Variants in PPM1L observed in about 807,000 individuals in gnomAD.
The protein encoded by PPM1L is protein phosphatase, Mg2+/Mn2+ dependent 1L, also known as protein phosphatase 1L.
Under a neutral mutation model 31.4 loss-of-function variants are expected in PPM1L, and 13 were observed. The observed-to-expected ratio is 0.41, with a 90% CI of 0.27 to 0.66. The LOEUF is 0.66. PPM1L is among the 30% of genes least tolerant of loss of function. PPM1L has a pLI of 0.29. For synonymous variants in PPM1L, 184 were observed against 175.4 expected, an observed-to-expected ratio of 1.05 and a Z score of -0.39; for missense variants, 326 against 453.7, an observed-to-expected ratio of 0.72 and a Z score of 2.56.
chr3:160,863,334 T>G (rs900528402), intron 1 of PPM1L, among the ~76,000 whole-genome samples: 2 of 152,242 alleles, frequency 1.3e-5, no homozygotes, highest in African/African-American at 4.8e-5. Context: ...TGTCACTTTT[T>G]CAGCCCCTGG....
chr3:160,787,172 A>G lies in PPM1L; in HGVS notation c.399+30465A>G, dbSNP rs151309154. On this transcript the variant is annotated intron_variant, in intron 1 of 3. Transcript: ENST00000498165. ...AGTACTATGTTAAGCTCTTTGAGAAATCTCCAAACTGCTTTCCACAGTGGC... is the reference window on the plus strand; with the variant it reads ...AGTACTATGTTAAGCTCTTTGAGAAGTCTCCAAACTGCTTTCCACAGTGGC... 9.5e-3 allele frequency among the ~76,000 whole-genome samples: 1,450 copies of G among 152,306 alleles called. 24 individuals are homozygous for G. Among genetic ancestry groups the G allele is most frequent in the African/African-American group, 0.032 (1,337 of 41,560 alleles).
At chr3:160,936,921 C>G (rs142649404) in intron 1 of PPM1L, among the ~76,000 whole-genome samples, 19 of 152,272 alleles carry the variant, frequency 1.2e-4, no homozygotes, top group African/African-American at 4.1e-4. Flanking sequence ...AAAAACCAAT[C>G]TAGTGTGAAT....
At chr3:160,939,466 A>G (rs1715089425) in intron 1 of PPM1L, among the ~76,000 whole-genome samples, 1 of 152,126 alleles carries the variant, frequency 6.6e-6, no homozygotes, top group African/African-American at 2.4e-5. Flanking sequence ...GTCCCCACCC[A>G]AATCTCAACT....
Position 160,815,000 on chromosome 3 carries a change from G to C in PPM1L, c.399+58293G>C, listed in dbSNP as rs557953095. 2.6e-5 allele frequency among the ~76,000 whole-genome samples: 4 copies of C among 152,156 alleles called. 1 individual carries two copies. Among genetic ancestry groups the C allele is most frequent in the African/African-American group, 9.6e-5 (4 of 41,504 alleles). ...GATACAATGGACTTTCGGGATTCAG[G>C]GGGTAGGGTAGAAGGAGGGTGAGGG... On this transcript the variant is annotated intron_variant, in intron 1 of 3. Transcript: ENST00000498165.
chr3:160,781,149 GC>G (rs1157910529), intron 1 of PPM1L, among the ~76,000 whole-genome samples: 5 of 152,112 alleles, frequency 3.3e-5, no homozygotes, highest in Admixed American at 6.5e-5. Flanking sequence ...TACCCCAGAA[GC>G]CCCACTCATG....
intron 1 of PPM1L, among the ~76,000 whole-genome samples, chr3:160,780,065 C>T (rs928936698): frequency 6.6e-6 from 1 of 151,890 alleles, no homozygotes; most frequent in African/African-American, 2.4e-5. Flanking sequence ...CCTCCATTGC[C>T]CAGGCTGTGA....
At chr3:160,840,893 C>T (rs984352787) in intron 1 of PPM1L, among the ~76,000 whole-genome samples, 2 of 152,144 alleles carry the variant, frequency 1.3e-5, no homozygotes, top group Non-Finnish European at 2.9e-5. Flanking sequence ...GGTGCCCACC[C>T]ACTTTGGGTG....
intron 1 of PPM1L, among the ~76,000 whole-genome samples, chr3:160,769,115 T>G (rs1300482938): frequency 6.6e-6 from 1 of 152,224 alleles, no homozygotes; most frequent in East Asian, 1.9e-4. Context: ...GTGATCAGCA[T>G]GATTAGCCTT....
intron 1 of PPM1L, among the ~76,000 whole-genome samples, chr3:160,827,641 AC>A (rs1713397002): frequency 6.6e-6 from 1 of 152,120 alleles, no homozygotes; most frequent in Admixed American, 6.6e-5. Flanking sequence ...ATAATGCCTG[AC>A]AAAGTGATAG....
At chr3:160,818,046 A>G (rs965771174) in intron 1 of PPM1L, among the ~76,000 whole-genome samples, 1 of 152,052 alleles carries the variant, frequency 6.6e-6, no homozygotes, top group Admixed American at 6.6e-5. Flanking sequence ...TATTTAAAGA[A>G]AAATAAAATC....
At chr3:161,007,184 A>G (rs1027939512) in intron 2 of PPM1L, among the ~76,000 whole-genome samples, 1 of 152,218 alleles carries the variant, frequency 6.6e-6, no homozygotes, top group Admixed American at 6.5e-5. Flanking sequence ...TTAAACAACA[A>G]GTAAACATAT....
intron 1 of PPM1L, among the ~76,000 whole-genome samples, chr3:160,879,980 CTT>C (rs1183611494): frequency 6.6e-6 from 1 of 152,114 alleles, no homozygotes; most frequent in Admixed American, 6.5e-5. Context: ...CCATGTTTCT[CTT>C]TTCTGGCCCT....
intron 1 of PPM1L, among the ~76,000 whole-genome samples, chr3:160,870,112 G>A (rs570566961): frequency 6.6e-6 from 1 of 152,264 alleles, no homozygotes; most frequent in East Asian, 1.9e-4. Flanking sequence ...CATGGGAGAA[G>A]TGTGTGTGGG....
intron 1 of PPM1L, among the ~76,000 whole-genome samples, chr3:160,877,811 T>C (rs1458097682): frequency 1.3e-5 from 2 of 152,316 alleles, no homozygotes; most frequent in East Asian, 3.9e-4. Context: ...CTAATCTTCT[T>C]ATTAAGCAAA....
At chr3:161,045,893 C>T (rs1380977374) in intron 2 of PPM1L, among the ~76,000 whole-genome samples, 3 of 151,274 alleles carry the variant, frequency 2.0e-5, no homozygotes, top group Non-Finnish European at 4.4e-5. Flanking sequence ...GGGTGGATCA[C>T]GAGGTCAGGA....
At chr3:160,838,646 A>G (rs1286755620) in intron 1 of PPM1L, among the ~76,000 whole-genome samples, 2 of 152,026 alleles carry the variant, frequency 1.3e-5, no homozygotes, top group African/African-American at 4.8e-5. Flanking sequence ...CTTTTTAAAA[A>G]CCTCTTTTCT....
At chr3:160,826,613 T>C (rs561752887) in intron 1 of PPM1L, among the ~76,000 whole-genome samples, 1 of 152,308 alleles carries the variant, frequency 6.6e-6, no homozygotes, top group African/African-American at 2.4e-5. Flanking sequence ...TTTTTTAAGG[T>C]AATGTGATTT....
At chr3:160,949,070 A>G (rs937910195) in intron 1 of PPM1L, among the ~76,000 whole-genome samples, 2 of 152,194 alleles carry the variant, frequency 1.3e-5, no homozygotes, top group African/African-American at 4.8e-5. Context: ...TGCGTTTTTA[A>G]AGAAGGCAAT....
At chr3:160,893,628 G>T (rs1186372758) in intron 1 of PPM1L, among the ~76,000 whole-genome samples, 1 of 152,258 alleles carries the variant, frequency 6.6e-6, no homozygotes, top group East Asian at 1.9e-4. Context: ...CAAAGTAAAA[G>T]CTTGACCCCA....
Sources: allele counts gnomAD v4.1 joint callset (sites outside exome capture counted in the v4.1 genomes callset), GRCh38; gene constraint gnomAD v4.1.1; transcripts MANE v1.5; gene names NCBI Gene and HGNC (gene_info 2026-07-23, HGNC 2026-07-21).